Variants in CD8A observed in about 807,000 individuals in gnomAD.
The protein encoded by CD8A is CD8 subunit alpha.
A neutral mutation model predicts 24.2 loss-of-function variants in CD8A; 25 were observed. The ratio of observed to expected loss-of-function variants is 1.03; its 90% CI spans 0.75 to 1.44. The LOEUF is 1.44. Ranked by LOEUF, CD8A falls within the 40% of genes most tolerant of loss-of-function variation. The probability of loss-of-function intolerance (pLI) is 0.00; values close to 1 mark genes in which losing one functional copy is unlikely to be tolerated. For synonymous variants in CD8A, 165 were observed against 149.9 expected, an observed-to-expected ratio of 1.10 and a Z score of -0.74; for missense variants, 360 against 319.7, an observed-to-expected ratio of 1.13 and a Z score of -0.96.
chr2:86,787,719 C>A (rs1316909706), intron 5 of CD8A, among the ~76,000 whole-genome samples: 1 of 152,062 alleles, frequency 6.6e-6, no homozygotes, highest in Admixed American at 6.5e-5. Flanking sequence ...GTGCCTTTGC[C>A]ACTTTACTAA....
upstream of CD8A, chr2:86,790,935 G>T: frequency 2.9e-6 from 3 of 1,040,342 alleles, no homozygotes; most frequent in Non-Finnish European, 2.9e-6. Flanking sequence ...CCGGCCCGGA[G>T]CCTGATTTCG....
chr2:86,789,726 G>C lies in CD8A; in HGVS notation c.428C>G (p.Pro143Arg), dbSNP rs867788977. ...LPAKPTTTPAPRPPTPAPTIA... is the reference protein window; with the variant it reads ...LPAKPTTTPARRPPTPAPTIA... ...GGTGGGCGCCGGTGTTGGTGGTCGC[G>C]GCGCTGGCGTCGTGGTGGGCTTCGC... is the stretch of plus-strand genomic sequence containing the variant. Residue 143 changes from proline to arginine, a missense_variant, in exon 3 of 6, where the codon CCG becomes CGG. Pro to Arg is a moderately radical substitution (Grantham distance 103). Transcript: ENST00000283635. 6 of 1,370,698 alleles carry C rather than the reference G, an allele frequency of 4.4e-6. No homozygotes were observed. The highest frequency in any genetic ancestry group is 5.6e-6 in the Non-Finnish European group (6 of 1,069,768). 84.9% of individuals were successfully genotyped at this position (1,370,698 alleles called of 1,614,324 possible). A position where few individuals can be genotyped will look rare whatever the true frequency, so the allele number is the denominator to read the frequency against.
intron 2 of CD8A, among the ~76,000 whole-genome samples, chr2:86,802,532 A>T (rs1258416596): frequency 2.0e-5 from 3 of 152,248 alleles, no homozygotes; most frequent in African/African-American, 7.2e-5. Flanking sequence ...ATTGATCAAT[A>T]TAAGGTCCTT....
chr2:86,789,272 A>T, intron 4 of CD8A, 51 bp downstream of exon 4: 1 of 1,220,308 alleles, frequency 8.2e-7, no homozygotes, highest in Non-Finnish European at 1.2e-6. Context: ...TAGCAGAGCC[A>T]AGGGCAGGAG....
upstream of CD8A, among the ~76,000 whole-genome samples, chr2:86,792,368 C>A (rs1366889404): frequency 1.3e-5 from 2 of 152,216 alleles, no homozygotes; most frequent in East Asian, 1.9e-4. Context: ...GAGGACCATG[C>A]CGAGACTTCA....
At position 86,785,937 on chromosome 2, in the gene CD8A, A is replaced by C; in HGVS notation, c.691T>G (p.Ser231Ala). ...GCACAGGGTTAGACGTATCTCGCCG[A>C]AAGGCTGGGCTTGTCTCCCGATTTG... The part of the protein sequence containing the change: ...VVKSGDKPSL[S>A]ARYV The change falls in exon 6 of 6, where the codon TCG (serine) becomes GCG (alanine). Residue 231 changes from serine (S) to alanine (A), a missense_variant. Coordinates refer to ENST00000283635, the MANE Select transcript of CD8A (RefSeq NM_001768.7). The C allele has an allele frequency of 6.2e-7, 1 of 1,613,840 alleles. No homozygotes were observed. The highest frequency in any genetic ancestry group is 8.5e-7 in the Non-Finnish European group (1 of 1,179,678).
intron 1 of CD8A, chr2:86,808,021 A>C (rs1455425840): frequency 6.6e-6 from 1 of 152,220 alleles, no homozygotes; most frequent in African/African-American, 2.4e-5. Context: ...TTCCATCCTC[A>C]GCCGCTCATT....
intron 3 of CD8A, among the ~76,000 whole-genome samples, chr2:86,795,954 A>C (rs1673470334): frequency 6.6e-6 from 1 of 152,226 alleles, no homozygotes. Flanking sequence ...TTCACTTCCA[A>C]AAAGAGGCAA....
chr2:86,789,130 C>T (rs1035659057), intron 4 of CD8A, among the ~76,000 whole-genome samples, 193 bp downstream of exon 4: 1 of 152,206 alleles, frequency 6.6e-6, no homozygotes, highest in South Asian at 2.1e-4. Context: ...AAAACCTCTC[C>T]GAGAGCGCAA....
intron 3 of CD8A, among the ~76,000 whole-genome samples, chr2:86,798,252 C>T (rs575629503): frequency 1.3e-4 from 20 of 151,878 alleles, no homozygotes; most frequent in Non-Finnish European, 1.9e-4. Flanking sequence ...GTTGGCTCAC[C>T]GCAACCTCCA....
intron 2 of CD8A, among the ~76,000 whole-genome samples, chr2:86,803,270 T>C (rs1418013706): frequency 6.6e-6 from 1 of 152,204 alleles, no homozygotes; most frequent in Non-Finnish European, 1.5e-5. Context: ...TCTGGGCTCA[T>C]ACCCAAAGGA....
chr2:86,787,036 A>AAAAAAAAAAAAAG (rs1375316030), intron 5 of CD8A, among the ~76,000 whole-genome samples: 2 of 141,078 alleles, frequency 1.4e-5, no homozygotes, highest in Non-Finnish European at 3.1e-5. Context: ...AAAAAAAAAA[A>AAAAAAAAAAAAAG]AAAAGAAAAG....
At chr2:86,804,794 CTTTTTTT>C (rs70958908) in intron 2 of CD8A, among the ~76,000 whole-genome samples, 26 of 94,058 alleles carry the variant, frequency 2.8e-4, no homozygotes, top group African/African-American at 7.5e-4. Flanking sequence ...CTTGCTAAAT[CTTTTTTT>C]TTTTTTTTTT....
upstream of CD8A, among the ~76,000 whole-genome samples, chr2:86,792,741 C>T (rs755237551): frequency 6.6e-5 from 10 of 152,016 alleles, no homozygotes; most frequent in Non-Finnish European, 1.5e-4. Flanking sequence ...GGCGCTTTGC[C>T]CCGCCTTGGC....
intron 3 of CD8A, among the ~76,000 whole-genome samples, chr2:86,799,659 G>A (rs1041032746): frequency 6.6e-6 from 1 of 152,120 alleles, no homozygotes; most frequent in African/African-American, 2.4e-5. Flanking sequence ...GGGAGGCTGC[G>A]GCAGGAGAAT....
In CD8A at chr2:86,785,723, T is replaced by TACA. The variant is rs1672971539; in HGVS notation, c.*196_*197insTGT. ...CAACAGTATTGTGACCCTTGTGGTGTACTGTAGATTTTACCTAGTTTTGTT... is the reference window on the plus strand; with the variant it reads ...CAACAGTATTGTGACCCTTGTGGTGTACAACTGTAGATTTTACCTAGTTTTGTT... On this transcript the variant is annotated 3_prime_UTR_variant, in exon 6 of 6. Transcript: ENST00000283635. 1 of 731,894 alleles carries TACA rather than the reference T, an allele frequency of 1.4e-6. No individual in the cohort carries two copies. Among genetic ancestry groups the TACA allele is most frequent in the Non-Finnish European group, 2.5e-6 (1 of 399,532 alleles). 45.3% of individuals were successfully genotyped at this position (731,894 alleles called of 1,614,324 possible).
intron 2 of CD8A, among the ~76,000 whole-genome samples, chr2:86,806,530 A>G (rs1673904110): frequency 6.6e-6 from 1 of 152,202 alleles, no homozygotes; most frequent in African/African-American, 2.4e-5. Context: ...GTACCTTCCC[A>G]GTAGAGCAGG....
intron 2 of CD8A, among the ~76,000 whole-genome samples, chr2:86,802,360 T>G (rs1396103914): frequency 8.5e-5 from 13 of 152,068 alleles, no homozygotes; most frequent in Admixed American, 8.5e-4. Context: ...TAATGTTCAT[T>G]AATTTTGAAG....
chr2:86,804,670 A>G (rs1324519673), intron 2 of CD8A, among the ~76,000 whole-genome samples: 2 of 151,900 alleles, frequency 1.3e-5, no homozygotes, highest in Non-Finnish European at 2.9e-5. Context: ...CATTGGTGTG[A>G]TAACAGCTCA....
Sources: allele counts gnomAD v4.1 joint callset (sites outside exome capture counted in the v4.1 genomes callset), GRCh38; gene constraint gnomAD v4.1.1; transcripts MANE v1.5; gene names NCBI Gene and HGNC (gene_info 2026-07-23, HGNC 2026-07-21).